HHLA1: variants seen among roughly 807,000 people sequenced by gnomAD.
HHLA1 encodes HHLA1 neighbor of OC90, also known as HERV-H LTR-associating protein 1.
In HHLA1, 72 loss-of-function variants were observed where a neutral mutation model predicts 69.9. That is an observed-to-expected ratio of 1.03 (90% confidence interval 0.85 to 1.25). The LOEUF (loss-of-function observed/expected upper bound fraction) is 1.25, where lower values mean the gene tolerates loss of function less well. Among genes scored for constraint, HHLA1 ranks in the 50% most tolerant of loss-of-function variants. HHLA1 has a pLI of 0.00. For missense variants in HHLA1, 685 were observed against 642.2 expected, an observed-to-expected ratio of 1.07 and a Z score of -0.72; for synonymous variants, 252 against 233.2, an observed-to-expected ratio of 1.08 and a Z score of -0.73.
intron 9 of HHLA1, 44 bp from the exon 10 acceptor site, chr8:132,087,783 G>A: frequency 6.5e-7 from 1 of 1,541,466 alleles, no homozygotes; most frequent in South Asian, 1.2e-5. Flanking sequence ...GGTTTCATCT[G>A]CTGGACAGTT....
rs1823487455 is a variant in HHLA1, at chr8:132,069,083, GCAAGGTAGTCCTGAATAGGGA to G, written c.1469+2236_1469+2256del. Among the ~76,000 whole-genome samples the G allele has an allele frequency of 2.6e-5, 4 of 152,120 alleles. No homozygotes were observed. The South Asian group carries it at 6.2e-4, about 24-fold the overall frequency. Reference sequence around the variant, plus strand: ...AATAAGTTACCCAGGTGCTTAAAAGGCAAGGTAGTCCTGAATAGGGACATGCCAGAGACTTGGTCTCCCATC... The same window carrying G: ...AATAAGTTACCCAGGTGCTTAAAAGGCATGCCAGAGACTTGGTCTCCCATC... On this transcript the variant is annotated intron_variant, in intron 15 of 16. Coordinates refer to ENST00000414222, the MANE Select transcript of HHLA1 (RefSeq NM_001145095.3).
intron 8 of HHLA1, 150 bp downstream of exon 8, chr8:132,089,366 C>A: frequency 1.5e-6 from 1 of 665,142 alleles, no homozygotes; most frequent in Non-Finnish European, 2.7e-6. Context: ...GAAACTGGAC[C>A]ACACTGATTA....
In HHLA1 at chr8:132,089,604, A is replaced by C. The variant is rs555443758; in HGVS notation, c.449-5T>G. Reference sequence around the variant, plus strand: ...CTACCAGTAGAGCTGTAAAATCTGCAAGACAAATTTAGGAGGTTTAAATTT... The same window carrying C: ...CTACCAGTAGAGCTGTAAAATCTGCCAGACAAATTTAGGAGGTTTAAATTT... On this transcript the variant is annotated splice_region_variant and splice_polypyrimidine_tract_variant and intron_variant, in intron 7 of 16. Transcript: ENST00000414222. 1.8e-5 allele frequency: 25 copies of C among 1,407,082 alleles called. No individual in the cohort carries two copies. In the African/African-American group the frequency reaches 2.8e-4, roughly 16 times the overall value. The allele number at this position is 1,407,082 out of a possible 1,614,324, so 87.2% of individuals were successfully genotyped here.
intron 13 of HHLA1, 37 bp downstream of exon 13, chr8:132,076,438 C>CA: frequency 1.7e-6 from 2 of 1,143,144 alleles, no homozygotes; most frequent in Non-Finnish European, 2.5e-6. Context: ...TCCCATCCCC[C>CA]ACCCCCAAAC....
At chr8:132,091,462 C>T (rs375422906) in intron 7 of HHLA1, among the ~76,000 whole-genome samples, 4 of 152,288 alleles carry the variant, frequency 2.6e-5, no homozygotes, top group East Asian at 1.9e-4. Flanking sequence ...CCACTATTCC[C>T]GGTATTCTTA....
chr8:132,083,744 TG>T (rs1823804695), intron 10 of HHLA1, among the ~76,000 whole-genome samples: 1 of 152,208 alleles, frequency 6.6e-6, no homozygotes, highest in African/African-American at 2.4e-5. Context: ...GCCTGGCCGC[TG>T]CGGTTCGGGC....
chr8:132,101,053 C>A, intron 3 of HHLA1: 1 of 1,066,680 alleles, frequency 9.4e-7, no homozygotes, highest in Non-Finnish European at 1.3e-6. Context: ...GAAGCTGGTA[C>A]AAAAAAAGCT....
At chr8:132,087,793 T>G in intron 9 of HHLA1, 52 bp downstream of exon 9, 1 of 1,543,880 alleles carries the variant, frequency 6.5e-7, no homozygotes, top group Non-Finnish European at 8.8e-7. Context: ...GCTGGACAGT[T>G]TTGTCTATTT....
At chr8:132,102,792 ATTTTTTT>A (rs3048490) in intron 3 of HHLA1, among the ~76,000 whole-genome samples, 15,044 of 143,412 alleles carry the variant, frequency 0.1, 878 homozygotes, top group South Asian at 0.21. Flanking sequence ...ACTGAGCACC[ATTTTTTT>A]TTTTTTTTTT....
chr8:132,074,140 C>A (rs1040445185), intron 14 of HHLA1, among the ~76,000 whole-genome samples: 2 of 152,168 alleles, frequency 1.3e-5, no homozygotes, highest in Non-Finnish European at 2.9e-5. Flanking sequence ...CAACATCAGT[C>A]CTTTTAAGGT....
In HHLA1 at chr8:132,090,107, C is replaced by G. The variant is rs74615291; in HGVS notation, c.449-508G>C. 6.4e-3 allele frequency among the ~76,000 whole-genome samples: 971 copies of G among 152,284 alleles called. 6 individuals carry two copies. The highest frequency in any genetic ancestry group is 0.01 in the Middle Eastern group (3 of 292). ...CACTTTCTAAAATTATCACCAGGAA[C>G]CTTTCCTTCTGCCCCCTTTTTAAAG... On this transcript the variant is annotated intron_variant, in intron 7 of 16. Transcript: ENST00000414222.
At chr8:132,089,660 C>T in intron 7 of HHLA1, 61 bp from the exon 8 acceptor site, 1 of 825,474 alleles carries the variant, frequency 1.2e-6, no homozygotes, top group East Asian at 2.6e-5. Flanking sequence ...GAAAAGTATA[C>T]TGTGTTTGGA....
Position 132,082,485 on chromosome 8 carries a change from G to A in HHLA1, c.677-2519C>T, listed in dbSNP as rs182588090. Among the ~76,000 whole-genome samples, 288 of 152,234 alleles carry A rather than the reference G, an allele frequency of 1.9e-3. 1 individual carries two copies. The highest frequency in any genetic ancestry group is 6.5e-3 in the African/African-American group (271 of 41,526). On this transcript the variant is annotated intron_variant, in intron 10 of 16. Coordinates refer to ENST00000414222, the MANE Select transcript of HHLA1 (RefSeq NM_001145095.3). ...GAAGATGCTGGGGTTTGAGAGATCA[G>A]TCGGACATGATTGGCAGGGAGAGCA...
At chr8:132,089,730 T>C in intron 7 of HHLA1, 131 bp from the exon 8 acceptor site, 1 of 635,332 alleles carries the variant, frequency 1.6e-6, no homozygotes. Context: ...ATATCAACAA[T>C]GATACAGAGA....
chr8:132,100,455 C>A (rs1442429025), intron 3 of HHLA1, among the ~76,000 whole-genome samples: 1 of 152,156 alleles, frequency 6.6e-6, no homozygotes, highest in East Asian at 1.9e-4. Flanking sequence ...TAAATTTGCA[C>A]AACTGAGCAA....
rs1226663312 is a variant in HHLA1 at position 132,062,695 on chromosome 8, A to G, written c.*1300T>C. On this transcript the variant is annotated 3_prime_UTR_variant, in exon 17 of 17. Transcript: ENST00000414222. ...TACTGGAGCAACCGCAAACCTGAAT[A>G]TAGTGAAAAAGGAATCTGATACAAT... The G allele has an allele frequency of 2.0e-5, 3 of 152,300 alleles. No homozygotes were observed. Among genetic ancestry groups the G allele is most frequent in the South Asian group, 4.1e-4 (2 of 4,834 alleles). The allele number at this position is 152,300 out of a possible 1,614,324, so 9.4% of individuals were successfully genotyped here.
intron 5 of HHLA1, among the ~76,000 whole-genome samples, chr8:132,096,021 G>A (rs7816102): frequency 0.014 from 2,057 of 152,258 alleles, 54 homozygotes; most frequent in African/African-American, 0.047. Flanking sequence ...TCAAGCTGTG[G>A]CAACTCTCTA....
Position 132,097,029 on chromosome 8 carries a change from G to A in HHLA1, c.281-1243C>T, listed in dbSNP as rs143869827. Among the ~76,000 whole-genome samples the A allele has an allele frequency of 3.0e-3, 452 of 152,256 alleles. 2 individuals are homozygous for A. The highest frequency in any genetic ancestry group is 0.01 in the African/African-American group (430 of 41,534). ...TACCCACTGTGATGGTGGATGGAATGGCAGAATCATTAAACTTTGGTGCAC... is the reference window on the plus strand; with the variant it reads ...TACCCACTGTGATGGTGGATGGAATAGCAGAATCATTAAACTTTGGTGCAC... On this transcript the variant is annotated intron_variant, in intron 5 of 16. Transcript: ENST00000414222.
At position 132,079,985 on chromosome 8, in the gene HHLA1, T is replaced by C. The variant is rs1222653279; in HGVS notation, c.677-19A>G. 3.9e-6 allele frequency: 6 copies of C among 1,552,302 alleles called. No individual in the cohort carries two copies. Among genetic ancestry groups the C allele is most frequent in the South Asian group, 1.2e-5 (1 of 84,014 alleles). On this transcript the variant is annotated intron_variant, in intron 10 of 16. Transcript: ENST00000414222. ...GCTGCACCTTCAGGGAGGCAGTCAATGGTAACATTAACATGCTTGACACTT... is the reference window on the plus strand; with the variant it reads ...GCTGCACCTTCAGGGAGGCAGTCAACGGTAACATTAACATGCTTGACACTT...
Sources: allele counts gnomAD v4.1 joint callset (sites outside exome capture counted in the v4.1 genomes callset), GRCh38; gene constraint gnomAD v4.1.1; transcripts MANE v1.5; gene names NCBI Gene and HGNC (gene_info 2026-07-23, HGNC 2026-07-21).